The following XPO7 variants were observed in gnomAD, a reference collection of about 807,000 sequenced individuals.
XPO7 encodes the protein exportin 7.
XPO7 carries 21 observed loss-of-function variants against 144.3 expected under a neutral mutation model. The ratio of observed to expected loss-of-function variants is 0.15; its 90% confidence interval spans 0.10 to 0.21. The LOEUF is 0.21. Ranked by LOEUF, XPO7 falls within the 10% of genes least tolerant of loss-of-function variation. XPO7 has a pLI of 1.00. For synonymous variants in XPO7, 580 were observed against 499.6 expected, an observed-to-expected ratio of 1.16 and a Z score of -2.15; for missense variants, 808 against 1,325.8, an observed-to-expected ratio of 0.61 and a Z score of 6.06.
At chr8:21,989,643 A>G (rs187387259) in intron 16 of XPO7, among the ~76,000 whole-genome samples, 10 of 152,080 alleles carry the variant, frequency 6.6e-5, no homozygotes, top group Admixed American at 6.6e-4. Flanking sequence ...TACCATTCTA[A>G]ATAGGAGAGA....
intron 1 of XPO7, among the ~76,000 whole-genome samples, chr8:21,948,234 A>C (rs1248263281): frequency 6.6e-6 from 1 of 152,250 alleles, no homozygotes; most frequent in Non-Finnish European, 1.5e-5. Context: ...GACAGTGGTC[A>C]CGTAAGATTA....
In XPO7 at chr8:21,985,769, C is replaced by G; in HGVS notation, c.1577+78C>G. On this transcript the variant is annotated intron_variant, in intron 13 of 27. Coordinates refer to ENST00000252512, the MANE Select transcript of XPO7 (RefSeq NM_015024.5). ...TCCCCGATAGGGTCCTCTCCACTTA[C>G]AGAACGTAATCTGAACATGCTAACT... The G allele has an allele frequency of 4.6e-6, 6 of 1,290,548 alleles. No homozygotes were observed. In the South Asian group the frequency reaches 7.1e-5, roughly 15 times the overall value. The allele number at this position is 1,290,548 out of a possible 1,614,324, so 79.9% of individuals were successfully genotyped here. A position where few individuals can be genotyped will look rare whatever the true frequency, so the allele number is the denominator to read the frequency against.
chr8:21,999,572 C>T lies in XPO7; in HGVS notation c.2680C>T (p.Leu894=). ...PKLSQSYYSL[L]EVLTQDHMNF... is the part of the protein sequence containing the mutation. Reference sequence around the variant, plus strand: ...GCTCAGCCAGTCTTATTATTCACTACTGGAAGTCCTGACCCAGGACCATAT... The same window carrying T: ...GCTCAGCCAGTCTTATTATTCACTATTGGAAGTCCTGACCCAGGACCATAT... The change falls in exon 24 of 28, where the codon CTG becomes TTG. Residue 894 remains leucine (L), a synonymous_variant. Coordinates refer to ENST00000252512, the MANE Select transcript of XPO7 (RefSeq NM_015024.5). 1.2e-6 allele frequency: 2 copies of T among 1,614,050 alleles called. No individual in the cohort carries two copies. The highest frequency in any genetic ancestry group is 1.7e-6 in the Non-Finnish European group (2 of 1,179,912).
chr8:21,964,622 A>G (rs954040497), intron 1 of XPO7, among the ~76,000 whole-genome samples: 1 of 152,224 alleles, frequency 6.6e-6, no homozygotes, highest in Non-Finnish European at 1.5e-5. Flanking sequence ...ACAAAAAAAA[A>G]AAATGGAGCT....
chr8:21,999,266 C>T lies in XPO7; in HGVS notation c.2604C>T (p.Phe868=), dbSNP rs780715233. ...DDALDNALQT[F]IKLLLSIPHS... is the part of the protein sequence containing the mutation. ...CCCTGGACAATGCTCTGCAGACCTT[C>T]ATCAAGCTGCTCCTCTCTATTCCTC... The change falls in exon 23 of 28, where the codon TTC becomes TTT. Residue 868 remains phenylalanine, a synonymous_variant. Transcript: ENST00000252512. 36 of 1,613,352 alleles carry T rather than the reference C, an allele frequency of 2.2e-5. No homozygotes were observed. Among genetic ancestry groups the T allele is most frequent in the Non-Finnish European group, 1.7e-6 (2 of 1,179,882 alleles).
chr8:21,959,654 T>A (rs1463256749), intron 1 of XPO7, among the ~76,000 whole-genome samples: 3 of 152,124 alleles, frequency 2.0e-5, no homozygotes, highest in African/African-American at 7.2e-5. Flanking sequence ...AAAAAAAAAA[T>A]GTCCTAATCA....
Position 21,965,638 on chromosome 8 carries a change from C to T in XPO7, c.19-1219C>T, listed in dbSNP as rs186187245. The stretch of plus-strand genomic sequence containing the variant: ...ATGATCTTAGGGCGTCAGTATTCAT[C>T]GTTCTTGTTTCCTTTCAGTTAGTGT... On this transcript the variant is annotated intron_variant, in intron 1 of 27. Coordinates refer to ENST00000252512, the MANE Select transcript of XPO7 (RefSeq NM_015024.5). 2.8e-3 allele frequency among the ~76,000 whole-genome samples: 422 copies of T among 152,262 alleles called. 2 individuals are homozygous for T. Among genetic ancestry groups the T allele is most frequent in the South Asian group, 0.027 (129 of 4,816 alleles).
intron 10 of XPO7, 58 bp downstream of exon 10, chr8:21,981,935 G>C: frequency 6.3e-7 from 1 of 1,596,642 alleles, no homozygotes; most frequent in Non-Finnish European, 8.6e-7. Flanking sequence ...TTGCTTGTTG[G>C]TTTTAACCAT....
rs758791023 is a variant in XPO7 at position 22,005,501 on chromosome 8, G to T, written c.*413G>T. The stretch of plus-strand genomic sequence containing the variant: ...AAAGTGTGACTGAAAAATTTTTACA[G>T]AGTCTAGTGCACCAATGCTGATGTG... On this transcript the variant is annotated 3_prime_UTR_variant, in exon 28 of 28. Transcript: ENST00000252512. 1 of 154,448 alleles carries T rather than the reference G, an allele frequency of 6.5e-6. No individual in the cohort carries two copies. The highest frequency in any genetic ancestry group is 6.5e-5 in the Admixed American group (1 of 15,376). The allele number at this position is 154,448 out of a possible 1,614,324, so 9.6% of individuals were successfully genotyped here.
chr8:21,982,139 C>T (rs1812427465), intron 10 of XPO7, among the ~76,000 whole-genome samples: 1 of 152,088 alleles, frequency 6.6e-6, no homozygotes, highest in East Asian at 1.9e-4. Context: ...CCCAAAAAAG[C>T]CAAGGTCGGA....
At chr8:21,990,719 C>T in intron 17 of XPO7, 92 bp from the exon 18 acceptor site, 1 of 1,315,166 alleles carries the variant, frequency 7.6e-7, no homozygotes, top group Non-Finnish European at 1.1e-6. Flanking sequence ...TAACCATTGG[C>T]TTGAAAGGGC....
chr8:21,959,291 C>T (rs914995341), intron 1 of XPO7, among the ~76,000 whole-genome samples: 1 of 152,142 alleles, frequency 6.6e-6, no homozygotes, highest in South Asian at 2.1e-4. Context: ...TGCTATTCTC[C>T]AGAGTTTTTG....
rs958194815 is a variant in XPO7 at position 21,941,903 on chromosome 8, AT to A, written c.18+22124del. Among the ~76,000 whole-genome samples the A allele has an allele frequency of 3.9e-4, 59 of 151,504 alleles. 1 individual carries two copies. In the South Asian group the frequency reaches 0.012, roughly 31 times the overall value. On this transcript the variant is annotated intron_variant, in intron 1 of 27. Transcript: ENST00000252512. ...TCTCAGGATGTTGCCTAGGCTGCCAATTTTTTTTTCTGATGGACAAAATAAA... is the reference window on the plus strand; with the variant it reads ...TCTCAGGATGTTGCCTAGGCTGCCAATTTTTTTTCTGATGGACAAAATAAA...
intron 10 of XPO7, 67 bp downstream of exon 10, chr8:21,981,944 A>C: frequency 6.3e-7 from 1 of 1,581,154 alleles, no homozygotes; most frequent in Non-Finnish European, 8.6e-7. Context: ...GGTTTTAACC[A>C]TGTAAGAATA....
chr8:21,949,345 C>T (rs552895246), intron 1 of XPO7, among the ~76,000 whole-genome samples: 2 of 152,190 alleles, frequency 1.3e-5, no homozygotes, highest in Non-Finnish European at 2.9e-5. Flanking sequence ...TAGCCCATTG[C>T]CTGCCTAGAG....
At chr8:21,989,508 T>C in intron 16 of XPO7, among the ~76,000 whole-genome samples, 1 of 152,196 alleles carries the variant, frequency 6.6e-6, no homozygotes. Flanking sequence ...TTGAATTAGG[T>C]CTGCTATAAA....
chr8:21,990,301 G>C, intron 16 of XPO7, 43 bp from the exon 17 acceptor site: 1 of 1,599,252 alleles, frequency 6.3e-7, no homozygotes, highest in Non-Finnish European at 8.6e-7. Context: ...TTAGAGTTTC[G>C]GCCTGCTTCA....
Position 21,987,269 on chromosome 8 carries a change from C to G in XPO7, c.1706C>G (p.Ser569Cys). ...KIYIGDQVQK[S>C]SKLYRRLSEV... ...TACATTGGGGACCAAGTGCAGAAAT[C>G]CTCTAAGGTAACAGCCTCTCAATTG... The change falls in exon 14 of 28, where the codon TCC becomes TGC. Residue 569 changes from serine to cysteine, a missense_variant. Transcript: ENST00000252512. The G allele has an allele frequency of 6.2e-7, 1 of 1,613,998 alleles. No individual in the cohort carries two copies. Among genetic ancestry groups the G allele is most frequent in the Non-Finnish European group, 8.5e-7 (1 of 1,179,876 alleles).
intron 1 of XPO7, among the ~76,000 whole-genome samples, chr8:21,936,499 A>G (rs1379586216): frequency 6.6e-6 from 1 of 152,250 alleles, no homozygotes; most frequent in East Asian, 1.9e-4. Flanking sequence ...TCAAAAGATT[A>G]ATCTCCCAAT....
Sources: gnomAD v4.1 joint callset for allele counts (sites outside exome capture counted in the v4.1 genomes callset) on GRCh38, gnomAD v4.1.1 for gene constraint, MANE v1.5 for transcripts, NCBI Gene and HGNC (gene_info 2026-07-23, HGNC 2026-07-21) for gene names.